The following SEZ6L variants were observed in gnomAD, a reference collection of about 807,000 sequenced individuals.
The protein encoded by SEZ6L is seizure related 6 homolog like, also known as seizure 6-like protein.
In SEZ6L, 37 loss-of-function variants were observed where a neutral mutation model predicts 106.2. The observed-to-expected ratio is 0.35, with a 90% CI of 0.27 to 0.46. The LOEUF is 0.46. Ranked by LOEUF, SEZ6L falls within the 20% of genes least tolerant of loss-of-function variation. SEZ6L has a pLI of 1.00. For missense variants in SEZ6L, 1,172 were observed against 1,332.8 expected, an observed-to-expected ratio of 0.88 and a Z score of 1.88; for synonymous variants, 541 against 570.4, an observed-to-expected ratio of 0.95 and a Z score of 0.73.
rs745983717 is a variant in SEZ6L at position 26,293,008 on chromosome 22, C to T, written c.697C>T (p.Pro233Ser). Residue 233 changes from proline to serine, a missense_variant, in exon 2 of 17, where the codon CCC (proline) becomes TCC (serine). By Grantham distance (74) the Pro-to-Ser change is moderately conservative. Coordinates refer to ENST00000248933, the MANE Select transcript of SEZ6L (RefSeq NM_021115.5). Reference protein sequence around the residue: ...EPGPDMAQEAPQEDTSPMALM... With the variant: ...EPGPDMAQEASQEDTSPMALM... The stretch of plus-strand genomic sequence containing the variant: ...TGGGCCTGACATGGCCCAGGAGGCC[C>T]CCCAGGAGGACACCAGCCCCATGGC... 1.9e-6 allele frequency: 3 copies of T among 1,614,180 alleles called. No individual in the cohort carries two copies. The highest frequency in any genetic ancestry group is 2.2e-5 in the South Asian group (2 of 91,084).
At chr22:26,326,991 G>A (rs2082325031) in intron 9 of SEZ6L, among the ~76,000 whole-genome samples, 1 of 152,152 alleles carries the variant, frequency 6.6e-6, no homozygotes, top group Non-Finnish European at 1.5e-5. Context: ...GGAGTTTCCT[G>A]GGGGTGTTCT....
At chr22:26,355,176 A>G (rs944359854) in intron 12 of SEZ6L, among the ~76,000 whole-genome samples, 2 of 152,100 alleles carry the variant, frequency 1.3e-5, no homozygotes, top group African/African-American at 4.8e-5. Context: ...CAACACTAAC[A>G]CTCTTCACCC....
intron 1 of SEZ6L, among the ~76,000 whole-genome samples, chr22:26,266,585 AT>A (rs2145830288): frequency 1.9e-5 from 1 of 51,956 alleles, no homozygotes; most frequent in African/African-American, 1.3e-4. Flanking sequence ...AAATAAATAA[AT>A]AAATAAATAA....
At chr22:26,189,198 A>C (rs1341519726) in intron 1 of SEZ6L, among the ~76,000 whole-genome samples, 3 of 152,246 alleles carry the variant, frequency 2.0e-5, no homozygotes, top group African/African-American at 7.2e-5. Context: ...TCCTCCTTGC[A>C]GCAATGTTGT....
At chr22:26,314,052 C>A in intron 9 of SEZ6L, 150 bp downstream of exon 9, 2 of 623,678 alleles carry the variant, frequency 3.2e-6, no homozygotes, top group Non-Finnish European at 5.6e-6. Flanking sequence ...CATAGTGAGA[C>A]CAAGAACAGC....
chr22:26,204,953 A>G (rs888198855), intron 1 of SEZ6L, among the ~76,000 whole-genome samples: 3 of 152,240 alleles, frequency 2.0e-5, no homozygotes, highest in Middle Eastern at 6.3e-3. Flanking sequence ...CCTATGTGAC[A>G]TGTGCCAGCC....
At chr22:26,208,611 T>TATATG (rs1941412452) in intron 1 of SEZ6L, among the ~76,000 whole-genome samples, 1 of 152,216 alleles carries the variant, frequency 6.6e-6, no homozygotes, top group South Asian at 2.1e-4. Context: ...ATACATCCTG[T>TATATG]ATATGATATG....
At chr22:26,239,591 G>A (rs2079051890) in intron 1 of SEZ6L, among the ~76,000 whole-genome samples, 1 of 152,024 alleles carries the variant, frequency 6.6e-6, no homozygotes, top group Non-Finnish European at 1.5e-5. Context: ...GGAGCCTCTG[G>A]GAGGACTGAT....
Position 26,299,028 on chromosome 22 carries a change from G to T in SEZ6L, c.1207G>T (p.Asp403Tyr). The T allele has an allele frequency of 3.7e-6, 6 of 1,602,588 alleles. No homozygotes were observed. The highest frequency in any genetic ancestry group is 5.1e-6 in the Non-Finnish European group (6 of 1,174,728). The stretch of plus-strand genomic sequence containing the variant: ...CTTTCCCCGCCGGCCTGACTCTGGG[G>T]ATGTCACGGTGATGGACCTGCACTC... ...CNFPRRPDSG[D>Y]VTVMDLHSGG... The change falls in exon 5 of 17, where the codon GAT becomes TAT. Residue 403 changes from aspartate (D) to tyrosine (Y), a missense_variant. Physicochemically the swap from Asp to Tyr is radical, Grantham distance 160. Transcript: ENST00000248933.
chr22:26,205,973 C>T (rs1159484655), intron 1 of SEZ6L, among the ~76,000 whole-genome samples: 2 of 152,106 alleles, frequency 1.3e-5, no homozygotes, highest in African/African-American at 4.8e-5. Context: ...TGGAACTCAT[C>T]CTTCACCCTC....
intron 1 of SEZ6L, among the ~76,000 whole-genome samples, chr22:26,174,807 A>C (rs1938868806): frequency 2.0e-5 from 3 of 152,320 alleles, no homozygotes; most frequent in Admixed American, 1.3e-4. Flanking sequence ...AATTTACTAG[A>C]ACATGGCAAG....
intron 1 of SEZ6L, among the ~76,000 whole-genome samples, chr22:26,251,949 A>T (rs1282371501): frequency 6.6e-6 from 1 of 151,754 alleles, no homozygotes; most frequent in African/African-American, 2.4e-5. Context: ...TCCTGAGATC[A>T]CCCCCACCCC....
intron 1 of SEZ6L, among the ~76,000 whole-genome samples, chr22:26,233,315 G>A (rs1187699470): frequency 6.6e-6 from 1 of 152,182 alleles, no homozygotes; most frequent in Non-Finnish European, 1.5e-5. Flanking sequence ...CATGGGTGGC[G>A]TGATCCCCCC....
intron 5 of SEZ6L, among the ~76,000 whole-genome samples, chr22:26,303,983 A>G (rs1272344947): frequency 2.6e-5 from 4 of 152,122 alleles, no homozygotes; most frequent in African/African-American, 9.7e-5. Flanking sequence ...GCCCTGGGCT[A>G]TTCTTCACAT....
At chr22:26,260,860 T>C (rs765512340) in intron 1 of SEZ6L, among the ~76,000 whole-genome samples, 15 of 152,326 alleles carry the variant, frequency 9.8e-5, no homozygotes, top group Middle Eastern at 3.4e-3. Context: ...AGTGTAGAAG[T>C]GTCCCCTTTT....
chr22:26,260,531 G>A (rs1002987009), intron 1 of SEZ6L, among the ~76,000 whole-genome samples: 8 of 152,052 alleles, frequency 5.3e-5, no homozygotes, highest in African/African-American at 1.7e-4. Context: ...GGAGAGAATT[G>A]AGGCAATTCT....
intron 1 of SEZ6L, among the ~76,000 whole-genome samples, chr22:26,229,513 T>A (rs186569589): frequency 1.3e-5 from 2 of 152,184 alleles, no homozygotes; most frequent in African/African-American, 4.8e-5. Flanking sequence ...CCATTGCCAA[T>A]AGGGATTTTG....
At chr22:26,340,664 C>A (rs770644936) in intron 10 of SEZ6L, 32 bp downstream of exon 10, 52 of 1,576,424 alleles carry the variant, frequency 3.3e-5, no homozygotes, top group Middle Eastern at 1.7e-4. Context: ...TTTATTTTTT[C>A]TTTGTGTTTA....
intron 1 of SEZ6L, among the ~76,000 whole-genome samples, chr22:26,238,780 C>T (rs1360357448): frequency 6.6e-6 from 1 of 152,190 alleles, no homozygotes; most frequent in Non-Finnish European, 1.5e-5. Context: ...GACTGAGGTT[C>T]ATGCAGTTAG....
Sources: gnomAD v4.1 joint callset for allele counts (sites outside exome capture counted in the v4.1 genomes callset) on GRCh38, gnomAD v4.1.1 for gene constraint, MANE v1.5 for transcripts, NCBI Gene and HGNC (gene_info 2026-07-23, HGNC 2026-07-21) for gene names.